PREP: variants seen among roughly 807,000 people sequenced by gnomAD.
PREP encodes the protein dJ355L5.1 (prolyl endopeptidase).
PREP carries 29 observed loss-of-function variants against 87.6 expected under a neutral mutation model. The ratio of observed to expected loss-of-function variants is 0.33; its 90% CI spans 0.25 to 0.45. The LOEUF (loss-of-function observed/expected upper bound fraction) is 0.45, where lower values mean the gene tolerates loss of function less well. Among genes scored for constraint, PREP ranks in the 20% least tolerant of loss-of-function variants. The pLI is 1.00. For missense variants in PREP, 695 were observed against 886.5 expected (o/e 0.78, Z 2.74); for synonymous variants, 337 against 328.6 (o/e 1.03, Z -0.28).
At chr6:105,334,787 C>T (rs1771437764) in intron 7 of PREP, among the ~76,000 whole-genome samples, 1 of 151,688 alleles carries the variant, frequency 6.6e-6, no homozygotes, top group Non-Finnish European at 1.5e-5. Context: ...AGTGGCTATT[C>T]ACAGGCATGA....
intron 2 of PREP, among the ~76,000 whole-genome samples, chr6:105,380,816 C>T (rs1198669479): frequency 6.6e-6 from 1 of 152,164 alleles, no homozygotes; most frequent in East Asian, 1.9e-4. Flanking sequence ...CCTGATCCTT[C>T]TGATTTGCAT....
intron 7 of PREP, among the ~76,000 whole-genome samples, chr6:105,343,617 C>A (rs1403181784): frequency 6.6e-6 from 1 of 152,184 alleles, no homozygotes; most frequent in Non-Finnish European, 1.5e-5. Context: ...AAAATTTTTA[C>A]AGTCTACCCA....
intron 9 of PREP, among the ~76,000 whole-genome samples, chr6:105,325,075 G>A (rs1324546048): frequency 2.0e-5 from 3 of 152,104 alleles, no homozygotes; most frequent in Non-Finnish European, 4.4e-5. Flanking sequence ...AATGAATACT[G>A]TACTTGCCTA....
intron 10 of PREP, among the ~76,000 whole-genome samples, chr6:105,321,596 T>C (rs1771009591): frequency 6.6e-6 from 1 of 152,132 alleles, no homozygotes; most frequent in Non-Finnish European, 1.5e-5. Flanking sequence ...TTGTCATCTA[T>C]AAAGAATATT....
intron 10 of PREP, among the ~76,000 whole-genome samples, chr6:105,311,668 C>T (rs1264969028): frequency 6.6e-6 from 1 of 152,230 alleles, no homozygotes; most frequent in Non-Finnish European, 1.5e-5. Flanking sequence ...CATCTCTTCA[C>T]GTCGCTGCTA....
chr6:105,379,344 C>T (rs1475843657), intron 2 of PREP, among the ~76,000 whole-genome samples: 1 of 152,188 alleles, frequency 6.6e-6, no homozygotes, highest in Non-Finnish European at 1.5e-5. Flanking sequence ...AGTTTGCTGA[C>T]TGCACTTTCC....
chr6:105,395,907 G>A (rs1049278135), intron 2 of PREP, among the ~76,000 whole-genome samples: 6 of 152,224 alleles, frequency 3.9e-5, no homozygotes, highest in African/African-American at 1.4e-4. Flanking sequence ...AGCCAGTACA[G>A]GTTATGCAGG....
chr6:105,377,907 T>C (rs181842651), intron 2 of PREP, among the ~76,000 whole-genome samples: 4 of 151,472 alleles, frequency 2.6e-5, no homozygotes, highest in Admixed American at 6.6e-5. Flanking sequence ...GATGGCAGAG[T>C]TGGCTCCCAG....
chr6:105,346,363 T>G (rs559555326), intron 7 of PREP, among the ~76,000 whole-genome samples: 29 of 152,264 alleles, frequency 1.9e-4, no homozygotes, highest in Admixed American at 3.3e-4. Context: ...TCTACATGTC[T>G]GCTAAATACC....
intron 9 of PREP, among the ~76,000 whole-genome samples, chr6:105,324,065 A>G (rs530126709): frequency 6.6e-6 from 1 of 152,360 alleles, no homozygotes; most frequent in South Asian, 2.1e-4. Flanking sequence ...TGTGAATATG[A>G]GAAAAGGTGA....
At chr6:105,328,420 G>A (rs543211929) in intron 9 of PREP, among the ~76,000 whole-genome samples, 1 of 152,102 alleles carries the variant, frequency 6.6e-6, no homozygotes, top group African/African-American at 2.4e-5. Flanking sequence ...ACCATGCCCA[G>A]CTAATTTTTG....
At chr6:105,354,970 T>C (rs1455463040) in intron 6 of PREP, among the ~76,000 whole-genome samples, 1 of 152,094 alleles carries the variant, frequency 6.6e-6, no homozygotes, top group African/African-American at 2.4e-5. Context: ...CAAGAAAAAA[T>C]GTTACATCTA....
Position 105,323,691 on chromosome 6 carries a change from C to T in PREP, c.1291G>A (p.Asp431Asn), listed in dbSNP as rs147656266. Residue 431 changes from aspartate (D) to asparagine (N), a missense_variant, in exon 10 of 15, where the codon GAT becomes AAT. By Grantham distance (23) the Asp-to-Asn change is conservative. Around this residue, in one of 5 missense-constraint regions of PREP, gnomAD observed 517 missense variants for 620.3 expected, o/e 0.83. Coordinates refer to ENST00000652536, the MANE Select transcript of PREP (RefSeq NM_002726.5). ...TGGACTGTCTGGTAATCAGAAGCAT[C>T]AATTCCTTTTACGGTCACCTCTCGG... ...VFREVTVKGI[D>N]ASDYQTVQIF... The T allele has an allele frequency of 5.1e-5, 83 of 1,612,526 alleles. No homozygotes were observed. The East Asian group carries it at 1.8e-3, about 35-fold the overall frequency.
At chr6:105,303,580 T>C (rs571222241) in intron 10 of PREP, among the ~76,000 whole-genome samples, 14 of 152,124 alleles carry the variant, frequency 9.2e-5, no homozygotes, top group African/African-American at 3.4e-4. Context: ...CCCTCCCCTA[T>C]CCAATGCAGA....
rs1770010302 is a variant in PREP at position 105,278,990 on chromosome 6, A to C, written c.1839-552T>G. The C allele has an allele frequency of 6.6e-6, 1 of 152,168 alleles. No individual in the cohort carries two copies. The highest frequency in any genetic ancestry group is 1.5e-5 in the Non-Finnish European group (1 of 68,098). The allele number at this position is 152,168 out of a possible 1,614,324, so 9.4% of individuals were successfully genotyped here. ...ACCGAGAAACCTGGATGGGCTGTTG[A>C]GCCTCCTGCTGGCTCTCAGTCCGGC... On this transcript the variant is annotated intron_variant, in intron 14 of 14. Transcript: ENST00000652536. This position sits in a 1 kb window ranked among gnomAD's most constrained non-coding sequence, Gnocchi z 4.2.
chr6:105,396,516 C>T (rs1489343781), intron 2 of PREP, among the ~76,000 whole-genome samples: 1 of 152,148 alleles, frequency 6.6e-6, no homozygotes, highest in African/African-American at 2.4e-5. Context: ...TTCCTTGTCC[C>T]AGTGGGGAGA....
At chr6:105,372,202 G>A (rs1042259360) in intron 5 of PREP, among the ~76,000 whole-genome samples, 2 of 151,410 alleles carry the variant, frequency 1.3e-5, no homozygotes, top group African/African-American at 2.4e-5. Flanking sequence ...CAATTCAATT[G>A]TGGGGGAAAA....
intron 2 of PREP, among the ~76,000 whole-genome samples, chr6:105,383,786 G>A (rs922983907): frequency 2.6e-4 from 40 of 152,160 alleles, no homozygotes; most frequent in African/African-American, 8.4e-4. Flanking sequence ...CTCAATACTC[G>A]TCATGACCAG....
chr6:105,366,894 A>G (rs112187037), intron 6 of PREP, among the ~76,000 whole-genome samples: 2,042 of 152,328 alleles, frequency 0.013, 48 homozygotes, highest in African/African-American at 0.045. Flanking sequence ...ACAAAGGGAC[A>G]GAAAGTAGAA....
Sources: allele counts gnomAD v4.1 joint callset (sites outside exome capture counted in the v4.1 genomes callset), GRCh38; gene constraint gnomAD v4.1.1; regional missense constraint gnomAD v4.1.1; non-coding constraint Gnocchi (gnomAD v3.1); transcripts MANE v1.5; gene names NCBI Gene and HGNC (gene_info 2026-07-23, HGNC 2026-07-21).